TRMT11: variants seen among roughly 807,000 people sequenced by gnomAD.
TRMT11 encodes tRNA (guanine(10)-N(2))-methyltransferase TRMT11.
A neutral mutation model predicts 62.8 loss-of-function variants in TRMT11; 53 were observed. That is an observed-to-expected ratio of 0.84 (90% CI 0.68 to 1.06). The LOEUF is 1.06. TRMT11 is among the 50% of genes least tolerant of loss of function. The probability of loss-of-function intolerance (pLI) is 0.00; values close to 1 mark genes in which losing one functional copy is unlikely to be tolerated. For missense variants in TRMT11, 556 were observed against 553.4 expected, an observed-to-expected ratio of 1.00 and a Z score of -0.05; for synonymous variants, 188 against 190.3, an observed-to-expected ratio of 0.99 and a Z score of 0.10.
downstream of TRMT11, among the ~76,000 whole-genome samples, chr6:126,203,082 A>G (rs752645190): frequency 1.3e-5 from 2 of 152,192 alleles, no homozygotes; most frequent in Non-Finnish European, 2.9e-5. Flanking sequence ...TTACCAAGTA[A>G]TCATGGCAGG....
intron 1 of TRMT11, 42 bp downstream of exon 1, chr6:125,986,664 C>T: frequency 1.3e-6 from 2 of 1,541,394 alleles, no homozygotes; most frequent in South Asian, 1.2e-5. Flanking sequence ...CGGAAGAGGA[C>T]GCTGGAGTGG....
At chr6:126,127,748 C>T (rs943448329) in intron 21 of TRMT11, among the ~76,000 whole-genome samples, 1 of 148,474 alleles carries the variant, frequency 6.7e-6, no homozygotes, top group Non-Finnish European at 1.5e-5. Context: ...AGTGAGAACA[C>T]GTGGTGTTTG....
the TRMT11 span, among the ~76,000 whole-genome samples, chr6:126,228,938 A>G: frequency 1.8e-4 from 28 of 152,254 alleles, no homozygotes; most frequent in South Asian, 1.0e-3. Flanking sequence ...TCGATATTCA[A>G]ATTAGTTCTG....
the TRMT11 span, among the ~76,000 whole-genome samples, chr6:126,256,864 T>G: frequency 1.5e-3 from 227 of 152,086 alleles, 1 homozygote; most frequent in African/African-American, 4.9e-3. Flanking sequence ...TTTTTTTGTT[T>G]TTTGTTTGTT....
At chr6:126,018,414 G>T (rs142123688) in intron 11 of TRMT11, among the ~76,000 whole-genome samples, 340 of 152,238 alleles carry the variant, frequency 2.2e-3, no homozygotes, top group African/African-American at 7.6e-3. Context: ...ACAGGAAAAT[G>T]AGTGACAGTC....
the TRMT11 span, among the ~76,000 whole-genome samples, chr6:126,253,824 G>A: frequency 6.6e-6 from 1 of 152,158 alleles, no homozygotes; most frequent in African/African-American, 2.4e-5. Context: ...GAAAACCCTT[G>A]AGTCTCCACT....
chr6:126,134,051 A>G (rs961816407), intron 21 of TRMT11, among the ~76,000 whole-genome samples: 3 of 151,942 alleles, frequency 2.0e-5, no homozygotes, highest in African/African-American at 7.2e-5. Flanking sequence ...AAGAGCAAAA[A>G]ATTAATAAGA....
chr6:126,147,774 C>T (rs1051474429), intron 21 of TRMT11, among the ~76,000 whole-genome samples: 8 of 151,886 alleles, frequency 5.3e-5, no homozygotes, highest in Admixed American at 5.3e-4. Flanking sequence ...AAAACATAAC[C>T]CAGCATTTCT....
chr6:126,219,875 T>A, the TRMT11 span, among the ~76,000 whole-genome samples: 846 of 152,332 alleles, frequency 5.6e-3, 12 homozygotes, highest in Non-Finnish European at 9.0e-3. Context: ...ACATAAATAC[T>A]ATGAGGGAGG....
intron 17 of TRMT11, among the ~76,000 whole-genome samples, chr6:126,083,101 T>C (rs1261831218): frequency 1.3e-5 from 2 of 152,226 alleles, no homozygotes; most frequent in Non-Finnish European, 2.9e-5. Flanking sequence ...CTAATGGGTA[T>C]ATTAAAACCT....
chr6:126,181,960 A>G (rs1778471727), intron 1 of TRMT11, among the ~76,000 whole-genome samples: 1 of 152,218 alleles, frequency 6.6e-6, no homozygotes, highest in African/African-American at 2.4e-5. Context: ...AGATATTTCA[A>G]GATAAAACTC....
intron 17 of TRMT11, among the ~76,000 whole-genome samples, chr6:126,075,576 C>T (rs1436040001): frequency 6.6e-6 from 1 of 152,136 alleles, no homozygotes; most frequent in Admixed American, 6.6e-5. Context: ...GAGGCCTCCC[C>T]AGTCATGCTT....
chr6:126,043,148 A>T (rs889555610), downstream of TRMT11, among the ~76,000 whole-genome samples: 1 of 148,840 alleles, frequency 6.7e-6, no homozygotes, highest in Non-Finnish European at 1.5e-5. Context: ...GGTGTGCTGC[A>T]CCCATTAACT....
intron 21 of TRMT11, among the ~76,000 whole-genome samples, chr6:126,135,436 T>C (rs1777839449): frequency 6.6e-6 from 1 of 151,388 alleles, no homozygotes; most frequent in African/African-American, 2.4e-5. Flanking sequence ...GATTGAACCA[T>C]GAAAAAATAG....
At chr6:126,034,226 T>C (rs909194137) in intron 12 of TRMT11, among the ~76,000 whole-genome samples, 5 of 152,146 alleles carry the variant, frequency 3.3e-5, no homozygotes, top group Admixed American at 3.3e-4. Flanking sequence ...TGATTTGTGG[T>C]AGATTATTTA....
chr6:126,055,953 C>T (rs1334567889), intron 17 of TRMT11, among the ~76,000 whole-genome samples: 1 of 152,172 alleles, frequency 6.6e-6, no homozygotes, highest in African/African-American at 2.4e-5. Context: ...CACCCAGCTC[C>T]CTGCCTTGAG....
At chr6:126,149,152 G>A (rs1562334021) in intron 21 of TRMT11, among the ~76,000 whole-genome samples, 2 of 152,180 alleles carry the variant, frequency 1.3e-5, no homozygotes, top group African/African-American at 4.8e-5. Flanking sequence ...TTGATTTAGG[G>A]CCAGTGTTTC....
At chr6:126,065,283 C>T (rs560987108) in intron 17 of TRMT11, among the ~76,000 whole-genome samples, 3 of 152,204 alleles carry the variant, frequency 2.0e-5, no homozygotes, top group South Asian at 2.1e-4. Flanking sequence ...TCTTCTATCA[C>T]GTGTCCACTG....
At chr6:126,160,235 T>G (rs1778173165) in intron 21 of TRMT11, among the ~76,000 whole-genome samples, 1 of 152,144 alleles carries the variant, frequency 6.6e-6, no homozygotes, top group South Asian at 2.1e-4. Context: ...GAGGTCACAA[T>G]TCACCTCACA....
Sources: allele counts gnomAD v4.1 joint callset (sites outside exome capture counted in the v4.1 genomes callset), GRCh38; gene constraint gnomAD v4.1.1; transcripts MANE v1.5; gene names NCBI Gene and HGNC (gene_info 2026-07-23, HGNC 2026-07-21).